LDLRAD4: variants seen among roughly 807,000 people sequenced by gnomAD.
LDLRAD4 encodes low-density lipoprotein receptor class A domain-containing protein 4.
A neutral mutation model predicts 17.0 loss-of-function variants in LDLRAD4; 5 were observed. The ratio of observed to expected loss-of-function variants is 0.29; its 90% CI spans 0.15 to 0.62. The LOEUF (loss-of-function observed/expected upper bound fraction) is 0.62. Ranked by LOEUF, LDLRAD4 falls within the 20% of genes least tolerant of loss-of-function variation. The pLI, the probability that LDLRAD4 is intolerant of heterozygous loss-of-function variation, is 0.84. For synonymous variants in LDLRAD4, 168 were observed against 171.8 expected, an observed-to-expected ratio of 0.98 and a Z score of 0.17; for missense variants, 340 against 424.7, an observed-to-expected ratio of 0.80 and a Z score of 1.75.
intron 3 of LDLRAD4, among the ~76,000 whole-genome samples, chr18:13,586,338 C>T (rs1253755737): frequency 1.5e-5 from 2 of 130,392 alleles, no homozygotes; most frequent in African/African-American, 2.9e-5. Context: ...ACCCGGGAGG[C>T]GGAGGTTGCA....
At chr18:13,652,622 T>C (rs1267994774) in exon 6 of LDLRAD4, 1 of 152,666 alleles carries the variant, frequency 6.6e-6, no homozygotes, top group African/African-American at 2.4e-5. Flanking sequence ...CTAAGGTCTG[T>C]AATTGCAATA....
At chr18:13,429,934 A>T (rs2090212869) in intron 2 of LDLRAD4, among the ~76,000 whole-genome samples, 1 of 152,142 alleles carries the variant, frequency 6.6e-6, no homozygotes, top group Non-Finnish European at 1.5e-5. Context: ...CAGAATATTG[A>T]GTGTAAGAGC....
At chr18:13,633,095 C>G (rs993713948) in intron 4 of LDLRAD4, among the ~76,000 whole-genome samples, 6 of 152,174 alleles carry the variant, frequency 3.9e-5, no homozygotes, top group African/African-American at 1.4e-4. Flanking sequence ...AGCTCCTTTC[C>G]TCAGGCAGGT....
intron 1 of LDLRAD4, among the ~76,000 whole-genome samples, chr18:13,372,726 C>T (rs1030959995): frequency 2.0e-5 from 3 of 152,242 alleles, no homozygotes; most frequent in South Asian, 2.1e-4. Context: ...GGGTATGGTC[C>T]GGTACTCAGC....
intron 2 of LDLRAD4, among the ~76,000 whole-genome samples, chr18:13,425,546 C>T (rs1350537585): frequency 6.6e-6 from 1 of 152,162 alleles, no homozygotes; most frequent in Non-Finnish European, 1.5e-5. Context: ...GAATATGACA[C>T]GTCGGGGCTC....
Position 13,524,503 on chromosome 18 carries a change from C to T in LDLRAD4, c.181+86119C>T, listed in dbSNP as rs150875883. On this transcript the variant is annotated intron_variant, in intron 3 of 5. Transcript: ENST00000359446. ...TCTGGGAACAGAGTTTGAAGGAAGG[C>T]CCTAAGTTACCTGGTCACCTTATTA... 4.7e-3 allele frequency among the ~76,000 whole-genome samples: 720 copies of T among 152,212 alleles called. 8 individuals carry two copies. Among genetic ancestry groups the T allele is most frequent in the African/African-American group, 0.017 (689 of 41,536 alleles).
At chr18:13,313,317 G>C (rs962384316) in intron 1 of LDLRAD4, among the ~76,000 whole-genome samples, 13 of 152,208 alleles carry the variant, frequency 8.5e-5, no homozygotes, top group African/African-American at 2.7e-4. Flanking sequence ...GGCAGAGGCT[G>C]AGGTGTTATT....
chr18:13,314,194 G>A (rs2080810676), intron 1 of LDLRAD4, among the ~76,000 whole-genome samples: 1 of 152,100 alleles, frequency 6.6e-6, no homozygotes, highest in African/African-American at 2.4e-5. Flanking sequence ...GGTGATTTTG[G>A]CATGTTTCCT....
intron 1 of LDLRAD4, among the ~76,000 whole-genome samples, chr18:13,351,189 G>T (rs1222685183): frequency 6.6e-6 from 1 of 152,108 alleles, no homozygotes; most frequent in African/African-American, 2.4e-5. Context: ...AGTTTGATGG[G>T]AATAATATTG....
rs534408476 is a variant in LDLRAD4 at position 13,324,957 on chromosome 18, C to T, written c.-383+46769C>T. Among the ~76,000 whole-genome samples the T allele has an allele frequency of 6.6e-5, 10 of 152,254 alleles. No homozygotes were observed. The East Asian group carries it at 1.2e-3, about 18-fold the overall frequency. ...GGTAGAGGGACGTCAATTACGCATG[C>T]GTCTCTTGTTCAGTAAATCTGCATT... is the stretch of plus-strand genomic sequence containing the variant. On this transcript the variant is annotated intron_variant, in intron 1 of 5. Coordinates refer to ENST00000359446, the Ensembl canonical transcript of LDLRAD4.
chr18:13,318,927 G>T (rs1445386906), intron 1 of LDLRAD4, among the ~76,000 whole-genome samples: 1 of 152,138 alleles, frequency 6.6e-6, no homozygotes. Flanking sequence ...CTAGTGACTC[G>T]CTGTCCCCTT....
rs530069926 is a variant in LDLRAD4, at chr18:13,556,877, G to A, written c.182-64240G>A. On this transcript the variant is annotated intron_variant, in intron 3 of 5. Transcript: ENST00000359446. ...CACTGTCAAGTTGCTCTTTTCCCCC[G>A]TCTAAAGAGAACCACCCTTTAAAGG... is the stretch of plus-strand genomic sequence containing the variant. 7.2e-5 allele frequency among the ~76,000 whole-genome samples: 11 copies of A among 152,200 alleles called. No homozygotes were observed. The South Asian group carries it at 8.3e-4, about 11-fold the overall frequency.
chr18:13,644,871 A>G, intron 5 of LDLRAD4: 1 of 470,218 alleles, frequency 2.1e-6, no homozygotes, highest in East Asian at 3.5e-5. Flanking sequence ...CAAGCTTTCC[A>G]TTACCCACAG....
chr18:13,289,488 G>A (rs575552940), intron 1 of LDLRAD4, among the ~76,000 whole-genome samples: 5 of 152,210 alleles, frequency 3.3e-5, no homozygotes, highest in South Asian at 2.1e-4. Flanking sequence ...CACTTAACAC[G>A]AAATCTTCAG....
intron 1 of LDLRAD4, among the ~76,000 whole-genome samples, chr18:13,340,853 A>G (rs2082337106): frequency 6.6e-6 from 1 of 152,078 alleles, no homozygotes; most frequent in Non-Finnish European, 1.5e-5. Context: ...TAAGAGTTTT[A>G]TAATTTTAGC....
chr18:13,262,464 GCGTGGGGGCTGAGTCCCGTGCGGCCC>G, intron 1 of LDLRAD4, among the ~76,000 whole-genome samples: 6 of 140,038 alleles, frequency 4.3e-5, no homozygotes, highest in African/African-American at 1.7e-4. Flanking sequence ...GCGGCTCTGT[GCGTGGGGGCTGAGTCCCGTGCGGCCC>G]TGTGCGTGGA....
At chr18:13,602,329 T>C (rs754569034) in intron 3 of LDLRAD4, among the ~76,000 whole-genome samples, 2 of 151,998 alleles carry the variant, frequency 1.3e-5, no homozygotes, top group Non-Finnish European at 2.9e-5. Flanking sequence ...AAAAAAGAAC[T>C]TGATCGTATC....
At chr18:13,382,348 G>C (rs2085432766) in intron 1 of LDLRAD4, among the ~76,000 whole-genome samples, 1 of 152,190 alleles carries the variant, frequency 6.6e-6, no homozygotes, top group African/African-American at 2.4e-5. Context: ...CTCTGAGGAG[G>C]ACTGCGTTTC....
At chr18:13,371,935 C>A (rs73421348) in intron 1 of LDLRAD4, among the ~76,000 whole-genome samples, 5,246 of 152,156 alleles carry the variant, frequency 0.034, 268 homozygotes, top group African/African-American at 0.11. Flanking sequence ...ACATTTAGAA[C>A]AGCATTAGGT....
Sources: allele counts gnomAD v4.1 joint callset (sites outside exome capture counted in the v4.1 genomes callset), GRCh38; gene constraint gnomAD v4.1.1; transcripts MANE v1.5; gene names NCBI Gene and HGNC (gene_info 2026-07-23, HGNC 2026-07-21).